TRIP12: variants seen among roughly 807,000 people sequenced by gnomAD.
The protein encoded by TRIP12 is thyroid hormone receptor interactor 12, also known as E3 ubiquitin-protein ligase TRIP12.
TRIP12 carries 25 observed loss-of-function variants against 244.2 expected under a neutral mutation model. The observed-to-expected ratio is 0.10, with a 90% CI of 0.07 to 0.14. TRIP12 has a LOEUF of 0.14. Among genes scored for constraint, TRIP12 ranks in the 10% least tolerant of loss-of-function variants. TRIP12 has a pLI of 1.00. For missense variants in TRIP12, 1,677 were observed against 2,486.4 expected (o/e 0.67, Z 6.92); for synonymous variants, 905 against 873.1 (o/e 1.04, Z -0.64).
intron 1 of TRIP12, among the ~76,000 whole-genome samples, chr2:229,912,752 A>C (rs1259163125): frequency 1.3e-5 from 2 of 152,222 alleles, no homozygotes; most frequent in Non-Finnish European, 1.5e-5. Context: ...ACTCATCTAC[A>C]ACAAAGTACA....
At chr2:229,912,423 C>T (rs2154378404) in intron 1 of TRIP12, among the ~76,000 whole-genome samples, 1 of 152,290 alleles carries the variant, frequency 6.6e-6, no homozygotes, top group African/African-American at 2.4e-5. Flanking sequence ...ATTCCGTGAT[C>T]TCCCATTTAA....
At chr2:229,913,102 A>G (rs925707673) in intron 1 of TRIP12, among the ~76,000 whole-genome samples, 2 of 152,096 alleles carry the variant, frequency 1.3e-5, no homozygotes, top group Non-Finnish European at 2.9e-5. Flanking sequence ...CTCCTGCCTC[A>G]GCCTCCCTAG....
chr2:229,781,152 C>A (rs1285899689), intron 34 of TRIP12, among the ~76,000 whole-genome samples: 9 of 152,226 alleles, frequency 5.9e-5, no homozygotes, highest in Non-Finnish European at 8.8e-5. Context: ...TTTGCTGATA[C>A]AACCTGGGGG....
In TRIP12 at chr2:229,795,473, C is replaced by T. The variant is rs577828903; in HGVS notation, c.3817-143G>A. 1.4e-4 allele frequency: 130 copies of T among 950,278 alleles called. 1 individual carries two copies. In the South Asian group the frequency reaches 1.7e-3, roughly 13 times the overall value. The allele number at this position is 950,278 out of a possible 1,614,324, so 58.9% of individuals were successfully genotyped here. On this transcript the variant is annotated intron_variant, in intron 25 of 41. Transcript: ENST00000675903. Reference sequence around the variant, plus strand: ...TCTTTTATGGCAGATTTGGTTTGAACGATGTTACCACGTCAATTATTTCAA... The same window carrying T: ...TCTTTTATGGCAGATTTGGTTTGAATGATGTTACCACGTCAATTATTTCAA...
chr2:229,792,240 T>C lies in TRIP12; in HGVS notation c.4142-14A>G. On this transcript the variant is annotated splice_polypyrimidine_tract_variant and intron_variant, in intron 27 of 41. Coordinates refer to ENST00000675903, the MANE Select transcript of TRIP12 (RefSeq NM_001348323.3). Reference sequence around the variant, plus strand: ...CTCTTCCATACCCTGAAGACCCAAGTAGACTTTTAAACTCTTAGCGATTTT... The same window carrying C: ...CTCTTCCATACCCTGAAGACCCAAGCAGACTTTTAAACTCTTAGCGATTTT... 1.2e-6 allele frequency: 2 copies of C among 1,612,742 alleles called. No homozygotes were observed. Among genetic ancestry groups the C allele is most frequent in the Non-Finnish European group, 1.7e-6 (2 of 1,179,514 alleles).
intron 8 of TRIP12, among the ~76,000 whole-genome samples, chr2:229,824,275 T>TA (rs1409897811): frequency 6.6e-6 from 1 of 152,144 alleles, no homozygotes; most frequent in East Asian, 1.9e-4. Context: ...AAGTTAATAT[T>TA]AGAGAAACAA....
intron 8 of TRIP12, among the ~76,000 whole-genome samples, chr2:229,823,053 C>T (rs534106245): frequency 6.6e-6 from 1 of 152,166 alleles, no homozygotes; most frequent in Admixed American, 6.5e-5. Flanking sequence ...AAAAATAAAA[C>T]AGAGCCAGAG....
intron 13 of TRIP12, among the ~76,000 whole-genome samples, chr2:229,813,171 T>C (rs2047683876): frequency 6.6e-6 from 1 of 152,184 alleles, no homozygotes; most frequent in Non-Finnish European, 1.5e-5. Flanking sequence ...TAGTCTAGTC[T>C]CTCTTCTGGT....
Position 229,774,235 on chromosome 2 carries a change from T to C in TRIP12, c.5556A>G (p.Leu1852=), listed in dbSNP as rs145165692. 6.2e-7 allele frequency: 1 copy of C among 1,614,120 alleles called. No homozygotes were observed. Among genetic ancestry groups the C allele is most frequent in the Non-Finnish European group, 8.5e-7 (1 of 1,180,004 alleles). Residue 1852 remains leucine (L), a synonymous_variant, in exon 38 of 42, where the codon TTA becomes TTG. Transcript: ENST00000675903. The part of the protein sequence containing the change: ...SQTKESLQYA[L]ETLTMNGCSV... Reference sequence around the variant, plus strand: ...AGCAGCCATTCATAGTCAAGGTTTCTAATGCATACTGTAGACTCTCTTTGG... The same window carrying C: ...AGCAGCCATTCATAGTCAAGGTTTCCAATGCATACTGTAGACTCTCTTTGG...
chr2:229,864,140 A>G (rs2061084782), intron 2 of TRIP12, among the ~76,000 whole-genome samples: 1 of 151,984 alleles, frequency 6.6e-6, no homozygotes, highest in Non-Finnish European at 1.5e-5. Context: ...GTATTCCTGA[A>G]AAAAAAACTC....
Position 229,864,045 on chromosome 2 carries a change from AGAGTGT to A in TRIP12, c.99-3520_99-3515del, listed in dbSNP as rs1355291238. ...GAGAGAGAGAGAGAGAGAGAGAGAG[AGAGTGT>A]GTGTGTGTGTGTGTGTGTGTGTGTG... is the stretch of plus-strand genomic sequence containing the variant. On this transcript the variant is annotated intron_variant, in intron 2 of 41. Transcript: ENST00000675903. Among the ~76,000 whole-genome samples the A allele has an allele frequency of 5.9e-3, 396 of 67,204 alleles. 1 individual carries two copies. The highest frequency in any genetic ancestry group is 0.018 in the African/African-American group (324 of 18,488). 44.1% of individuals were successfully genotyped at this position (67,204 alleles called of 152,430 possible). A position where few individuals can be genotyped will look rare whatever the true frequency, so the allele number is the denominator to read the frequency against.
intron 30 of TRIP12, 86 bp from the exon 31 acceptor site, chr2:229,789,848 G>T (rs2040989319): frequency 7.0e-7 from 1 of 1,429,704 alleles, no homozygotes; most frequent in Non-Finnish European, 9.5e-7. Flanking sequence ...CGCTAAAAGA[G>T]TAACAGAAGT....
intron 1 of TRIP12, among the ~76,000 whole-genome samples, chr2:229,920,635 G>A (rs1018405257): frequency 1.3e-5 from 2 of 152,182 alleles, no homozygotes; most frequent in Non-Finnish European, 2.9e-5. Flanking sequence ...GGGTTTGGAA[G>A]CTGCCCCTTC....
chr2:229,903,694 A>C (rs1225071129), intron 1 of TRIP12, among the ~76,000 whole-genome samples: 1 of 152,044 alleles, frequency 6.6e-6, no homozygotes, highest in East Asian at 1.9e-4. Context: ...GGTAATACAA[A>C]AGATAAGGGA....
At chr2:229,869,722 C>T (rs2062196136) in intron 2 of TRIP12, among the ~76,000 whole-genome samples, 1 of 152,010 alleles carries the variant, frequency 6.6e-6, no homozygotes, top group Non-Finnish European at 1.5e-5. Flanking sequence ...CTCTAAAATG[C>T]CAAAAGAGGC....
At chr2:229,840,546 A>T (rs951863762) in intron 5 of TRIP12, among the ~76,000 whole-genome samples, 2 of 151,962 alleles carry the variant, frequency 1.3e-5, no homozygotes, top group African/African-American at 4.8e-5. Context: ...TACTAAAAAT[A>T]AAAAAATTAG....
intron 38 of TRIP12, chr2:229,773,418 C>G (rs997978355): frequency 6.6e-6 from 1 of 152,224 alleles, no homozygotes; most frequent in African/African-American, 2.4e-5. Flanking sequence ...CGATCTTGCT[C>G]TGTCGCCCAG....
At chr2:229,791,102 T>C (rs1416743455) in intron 30 of TRIP12, 22 bp downstream of exon 30, 1 of 1,613,050 alleles carries the variant, frequency 6.2e-7, no homozygotes, top group Admixed American at 1.7e-5. Flanking sequence ...CAATCCATTT[T>C]CCCCTTTATC....
intron 4 of TRIP12, among the ~76,000 whole-genome samples, chr2:229,853,512 T>C (rs893974929): frequency 3.9e-5 from 6 of 152,050 alleles, no homozygotes; most frequent in Admixed American, 6.6e-5. Flanking sequence ...ATACAAAAAT[T>C]AGCCAGGTGT....
Sources: gnomAD v4.1 joint callset for allele counts (sites outside exome capture counted in the v4.1 genomes callset) on GRCh38, gnomAD v4.1.1 for gene constraint, MANE v1.5 for transcripts, NCBI Gene and HGNC (gene_info 2026-07-23, HGNC 2026-07-21) for gene names.